Variants in NOX4 observed in about 807,000 individuals in gnomAD.
NOX4 encodes the protein kidney oxidase-1.
Under a neutral mutation model 87.6 loss-of-function variants are expected in NOX4, and 69 were observed. The ratio of observed to expected loss-of-function variants is 0.79; its 90% CI spans 0.65 to 0.96. NOX4 has a LOEUF of 0.96. Among genes scored for constraint, NOX4 ranks in the 40% least tolerant of loss-of-function variants. NOX4 has a pLI of 0.00. For missense variants in NOX4, 680 were observed against 681.5 expected (o/e 1.00, Z 0.02); for synonymous variants, 275 against 238.2 (o/e 1.15, Z -1.42).
intron 7 of NOX4, among the ~76,000 whole-genome samples, chr11:89,427,168 G>A (rs1019454855): frequency 7.2e-4 from 109 of 152,168 alleles, no homozygotes; most frequent in African/African-American, 2.5e-3. Flanking sequence ...GGTCCTGACT[G>A]TTAGAAGGAA....
At chr11:89,574,317 C>T in the NOX4 span, among the ~76,000 whole-genome samples, 1 of 152,128 alleles carries the variant, frequency 6.6e-6, no homozygotes, top group Non-Finnish European at 1.5e-5. Flanking sequence ...ATTTCCAAGG[C>T]AATTTTCCAT....
intron 8 of NOX4, among the ~76,000 whole-genome samples, chr11:89,420,823 C>T (rs562015164): frequency 2.0e-5 from 3 of 152,186 alleles, no homozygotes; most frequent in African/African-American, 2.4e-5. Context: ...TGTTTATTAT[C>T]GGTGAAATGC....
rs1366725989 is a variant in NOX4, at chr11:89,342,082, G to A, written c.1329C>T (p.Asn443=). ...IGVTPFASIL[N]TLLDDWKPYK... Reference sequence around the variant, plus strand: ...AGATCAAAATGACATACAACAGGGTGTTGAGTATTGATGCAAATGGAGTTA... The same window carrying A: ...AGATCAAAATGACATACAACAGGGTATTGAGTATTGATGCAAATGGAGTTA... Residue 443 remains asparagine (N), a synonymous_variant, in exon 14 of 18, where the codon AAC becomes AAT. Coordinates refer to ENST00000263317, the MANE Select transcript of NOX4 (RefSeq NM_016931.5). The A allele has an allele frequency of 1.2e-6, 2 of 1,612,270 alleles. No homozygotes were observed. The highest frequency in any genetic ancestry group is 1.1e-5 in the South Asian group (1 of 90,938).
At chr11:89,475,415 A>T (rs1042008523) in intron 2 of NOX4, among the ~76,000 whole-genome samples, 1 of 152,088 alleles carries the variant, frequency 6.6e-6, no homozygotes, top group African/African-American at 2.4e-5. Context: ...GATAATATTT[A>T]AAAACTTTCC....
chr11:89,518,404 A>C, the NOX4 span, among the ~76,000 whole-genome samples: 1 of 146,472 alleles, frequency 6.8e-6, no homozygotes, highest in Non-Finnish European at 1.5e-5. Flanking sequence ...ACTTGCTTAT[A>C]AAAAAAAACA....
intron 11 of NOX4, among the ~76,000 whole-genome samples, chr11:89,389,279 CT>C (rs1162889977): frequency 6.6e-6 from 1 of 152,060 alleles, no homozygotes; most frequent in East Asian, 1.9e-4. Flanking sequence ...ATAATCAAAA[CT>C]CCAACCTTTG....
At position 89,447,187 on chromosome 11, in the gene NOX4, C is replaced by T. The variant is rs143486945; in HGVS notation, c.349+2253G>A. On this transcript the variant is annotated intron_variant, in intron 4 of 17. Coordinates refer to ENST00000263317, the MANE Select transcript of NOX4 (RefSeq NM_016931.5). Reference sequence around the variant, plus strand: ...ACAACTATGGCACAGGTATAAAATACTATTTACACAAAACTCTCTGTGTCA... The same window carrying T: ...ACAACTATGGCACAGGTATAAAATATTATTTACACAAAACTCTCTGTGTCA... Among the ~76,000 whole-genome samples, 333 of 152,156 alleles carry T rather than the reference C, an allele frequency of 2.2e-3. 1 individual carries two copies. Among genetic ancestry groups the T allele is most frequent in the Non-Finnish European group, 3.2e-3 (221 of 68,006 alleles).
intron 2 of NOX4, among the ~76,000 whole-genome samples, chr11:89,481,918 C>G (rs2135473086): frequency 6.6e-6 from 1 of 152,176 alleles, no homozygotes; most frequent in African/African-American, 2.4e-5. Flanking sequence ...TTATTGGCCT[C>G]AGTGGTGTGC....
chr11:89,384,481 C>A (rs1302753726), intron 11 of NOX4, among the ~76,000 whole-genome samples: 1 of 152,150 alleles, frequency 6.6e-6, no homozygotes, highest in Non-Finnish European at 1.5e-5. Flanking sequence ...TGGCTAATCT[C>A]CCAAACCCCA....
chr11:89,410,909 G>A (rs906659857), intron 8 of NOX4, among the ~76,000 whole-genome samples: 1 of 152,106 alleles, frequency 6.6e-6, no homozygotes, highest in Non-Finnish European at 1.5e-5. Flanking sequence ...GAGAGTGCTT[G>A]CACCACCTCT....
the NOX4 span, among the ~76,000 whole-genome samples, chr11:89,529,958 A>G: frequency 6.6e-6 from 1 of 152,168 alleles, no homozygotes; most frequent in African/African-American, 2.4e-5. Flanking sequence ...CAATTAGAAG[A>G]AACAAAAACA....
rs369001350 is a variant in NOX4 at position 89,428,644 on chromosome 11, C to G, written c.548+4140G>C. 5.9e-5 allele frequency among the ~76,000 whole-genome samples: 9 copies of G among 152,226 alleles called. No individual in the cohort carries two copies. In the East Asian group the frequency reaches 1.7e-3, roughly 29 times the overall value. On this transcript the variant is annotated intron_variant, in intron 7 of 17. Coordinates refer to ENST00000263317, the MANE Select transcript of NOX4 (RefSeq NM_016931.5). ...GGCCATTACATAATGGTAAAGGGAT[C>G]AATTCAACAAGAAGAGCTAACTATC...
chr11:89,472,096 AATG>A (rs1215871235), intron 2 of NOX4, among the ~76,000 whole-genome samples: 98 of 152,326 alleles, frequency 6.4e-4, no homozygotes, highest in African/African-American at 2.1e-3. Flanking sequence ...ATATGAAAAC[AATG>A]ATGAAGAACA....
intron 9 of NOX4, 71 bp downstream of exon 9, chr11:89,402,255 C>G (rs950814562): frequency 8.7e-7 from 1 of 1,146,324 alleles, no homozygotes; most frequent in South Asian, 1.3e-5. Flanking sequence ...TTGAAAAACA[C>G]ATTTATATGT....
upstream of NOX4, among the ~76,000 whole-genome samples, chr11:89,496,696 T>C (rs1441974827): frequency 1.3e-5 from 2 of 152,178 alleles, no homozygotes; most frequent in Non-Finnish European, 2.9e-5. Flanking sequence ...ATACATTCAC[T>C]TCTGTGTTTA....
chr11:89,389,253 T>C (rs1187680925), intron 11 of NOX4, among the ~76,000 whole-genome samples: 1 of 151,922 alleles, frequency 6.6e-6, no homozygotes, highest in Non-Finnish European at 1.5e-5. Flanking sequence ...GTATGAAAAA[T>C]AGTGAAGCAT....
At chr11:89,487,557 A>G (rs1946680433) in intron 2 of NOX4, among the ~76,000 whole-genome samples, 1 of 152,210 alleles carries the variant, frequency 6.6e-6, no homozygotes, top group African/African-American at 2.4e-5. Flanking sequence ...TGCATTTTAA[A>G]TGGTACAATG....
intron 2 of NOX4, chr11:89,489,035 C>T (rs1565352081): frequency 2.9e-6 from 2 of 700,034 alleles, no homozygotes; most frequent in Non-Finnish European, 2.6e-6. Flanking sequence ...ATGGGTTTAG[C>T]TTTACAGACT....
chr11:89,455,869 G>A (rs866219607), intron 2 of NOX4, among the ~76,000 whole-genome samples: 1 of 151,706 alleles, frequency 6.6e-6, no homozygotes, highest in South Asian at 2.1e-4. Flanking sequence ...ACATATGGGA[G>A]CTAAAAAAAA....
Sources: gnomAD v4.1 joint callset for allele counts (sites outside exome capture counted in the v4.1 genomes callset) on GRCh38, gnomAD v4.1.1 for gene constraint, MANE v1.5 for transcripts, NCBI Gene and HGNC (gene_info 2026-07-23, HGNC 2026-07-21) for gene names.